USP32: variants seen among roughly 807,000 people sequenced by gnomAD.
USP32 encodes the protein ubiquitin specific peptidase 32, also known as ubiquitin carboxyl-terminal hydrolase 32.
In USP32, 59 loss-of-function variants were observed where a neutral mutation model predicts 204.8. The ratio of observed to expected loss-of-function variants is 0.29; its 90% CI spans 0.23 to 0.36. The LOEUF (loss-of-function observed/expected upper bound fraction) is 0.36, where lower values mean the gene tolerates loss of function less well. USP32 is among the 10% of genes least tolerant of loss of function. The pLI is 1.00. For synonymous variants in USP32, 517 were observed against 678.4 expected (o/e 0.76, Z 3.70); for missense variants, 1,160 against 1,946.4 (o/e 0.60, Z 7.60).
At chr17:60,302,113 GTTTATTTATTTATTTA>G (rs141481291) in intron 2 of USP32, among the ~76,000 whole-genome samples, 15 of 141,642 alleles carry the variant, frequency 1.1e-4, no homozygotes, top group South Asian at 2.2e-4. Context: ...TATTTTGTTT[GTTTATTTATTTATTTA>G]TTTATTTATT....
chr17:60,332,690 C>T (rs1372306244), intron 2 of USP32, among the ~76,000 whole-genome samples: 1 of 152,152 alleles, frequency 6.6e-6, no homozygotes, highest in African/African-American at 2.4e-5. Context: ...CTATGCTTTC[C>T]CTTTTCTCCT....
intron 5 of USP32, among the ~76,000 whole-genome samples, chr17:60,277,311 A>G (rs1210057351): frequency 6.6e-6 from 1 of 152,196 alleles, no homozygotes; most frequent in Non-Finnish European, 1.5e-5. Context: ...GTCAATCCTC[A>G]TCAAAAAGGC....
At chr17:60,217,440 A>T (rs1204673093) in intron 16 of USP32, among the ~76,000 whole-genome samples, 1 of 152,006 alleles carries the variant, frequency 6.6e-6, no homozygotes, top group Non-Finnish European at 1.5e-5. Flanking sequence ...GATTACAGAC[A>T]CCTGCCACCA....
chr17:60,350,807 G>A (rs2088929738), intron 1 of USP32, among the ~76,000 whole-genome samples: 2 of 151,910 alleles, frequency 1.3e-5, no homozygotes, highest in Non-Finnish European at 2.9e-5. Context: ...ACCCTACTCG[G>A]GTGATGGGTG....
chr17:60,414,590 G>A (rs1215642890), intron 1 of USP32, among the ~76,000 whole-genome samples: 4 of 150,890 alleles, frequency 2.7e-5, no homozygotes, highest in East Asian at 2.0e-4. Context: ...CACCAGGCCC[G>A]GCTAATTTTT....
Position 60,294,710 on chromosome 17 carries a change from T to C in USP32, c.384A>G (p.Pro128=), listed in dbSNP as rs2087382173. Reference sequence around the variant, plus strand: ...CTGAGAAACACTTCCTGAGTGTATCTGGGACTTTACCATCCACCACGTGGA... The same window carrying C: ...CTGAGAAACACTTCCTGAGTGTATCCGGGACTTTACCATCCACCACGTGGA... The part of the protein sequence containing the change: ...RMLHVVDGKV[P]DTLRKCFSEG... The change falls in exon 4 of 34, where the codon CCA becomes CCG. Residue 128 remains proline, a synonymous_variant. Coordinates refer to ENST00000300896, the MANE Select transcript of USP32 (RefSeq NM_032582.4). 3 of 1,612,302 alleles carry C rather than the reference T, an allele frequency of 1.9e-6. No homozygotes were observed. Among genetic ancestry groups the C allele is most frequent in the Non-Finnish European group, 2.5e-6 (3 of 1,178,726 alleles).
At chr17:60,373,119 G>A (rs994705002) in intron 1 of USP32, among the ~76,000 whole-genome samples, 1 of 152,164 alleles carries the variant, frequency 6.6e-6, no homozygotes, top group Non-Finnish European at 1.5e-5. Context: ...CTTGAGCCCA[G>A]GAGCTCGAGG....
At chr17:60,329,004 C>G (rs1322658593) in intron 2 of USP32, among the ~76,000 whole-genome samples, 1 of 152,180 alleles carries the variant, frequency 6.6e-6, no homozygotes, top group Non-Finnish European at 1.5e-5. Flanking sequence ...GCCTGCCAGG[C>G]CAAGTGGATG....
chr17:60,360,170 G>GT (rs1256886097), intron 1 of USP32, among the ~76,000 whole-genome samples: 2 of 151,760 alleles, frequency 1.3e-5, no homozygotes, highest in African/African-American at 2.4e-5. Context: ...GCCCGGCCCT[G>GT]TAAGACAAAG....
rs530304932 is a variant in USP32 at position 60,279,408 on chromosome 17, C to T, written c.572-7927G>A. On this transcript the variant is annotated intron_variant, in intron 5 of 33. Coordinates refer to ENST00000300896, the MANE Select transcript of USP32 (RefSeq NM_032582.4). ...GCTGAGGCAGGAGGATCCCTTGAGC[C>T]TGGGAGGTTGAGGCGGCATTGAGCC... Among the ~76,000 whole-genome samples, 14 of 151,448 alleles carry T rather than the reference C, an allele frequency of 9.2e-5. No homozygotes were observed. In the East Asian group the frequency reaches 1.9e-3, roughly 21 times the overall value.
chr17:60,242,409 G>T (rs937215421), intron 11 of USP32, among the ~76,000 whole-genome samples: 1 of 151,970 alleles, frequency 6.6e-6, no homozygotes, highest in Non-Finnish European at 1.5e-5. Flanking sequence ...AAAAATATAA[G>T]GGTTTCCTTT....
At chr17:60,415,751 C>T (rs2090055790) in intron 1 of USP32, among the ~76,000 whole-genome samples, 1 of 152,226 alleles carries the variant, frequency 6.6e-6, no homozygotes, top group African/African-American at 2.4e-5. Context: ...TTCTTGGAGT[C>T]TTTATACAAT....
chr17:60,181,235 A>C, intron 32 of USP32, 89 bp downstream of exon 32: 1 of 1,480,902 alleles, frequency 6.8e-7, no homozygotes, highest in Non-Finnish European at 9.1e-7. Flanking sequence ...AATAAGCAGG[A>C]CCTGAAAAAA....
intron 9 of USP32, among the ~76,000 whole-genome samples, chr17:60,262,708 A>G (rs1480908825): frequency 5.3e-5 from 8 of 152,158 alleles, no homozygotes. Flanking sequence ...TTCCAGCCAC[A>G]TCAGAATATT....
chr17:60,367,665 A>G (rs1226679652), intron 1 of USP32, among the ~76,000 whole-genome samples: 7 of 152,170 alleles, frequency 4.6e-5, no homozygotes, highest in Admixed American at 4.6e-4. Context: ...AAAATGAGCC[A>G]GGTGTGGTGG....
At chr17:60,311,889 T>A (rs550616963) in intron 2 of USP32, among the ~76,000 whole-genome samples, 27 of 151,708 alleles carry the variant, frequency 1.8e-4, no homozygotes, top group African/African-American at 5.8e-4. Context: ...AGTTGTAGCA[T>A]GTTTCAACTG....
chr17:60,339,412 G>A (rs56160923), intron 2 of USP32, among the ~76,000 whole-genome samples: 2,300 of 151,224 alleles, frequency 0.015, 30 homozygotes, highest in Middle Eastern at 0.034. Flanking sequence ...GTAAAACCTC[G>A]TCTCTACTAA....
At position 60,288,595 on chromosome 17, in the gene USP32, C is replaced by A; in HGVS notation, c.499G>T (p.Gly167Cys). 1.9e-6 allele frequency: 3 copies of A among 1,613,544 alleles called. No homozygotes were observed. The South Asian group carries it at 3.3e-5, about 18-fold the overall frequency. Residue 167 changes from glycine (G) to cysteine (C), a missense_variant, in exon 5 of 34, where the codon GGT becomes TGT. Around this residue, in one of 8 missense-constraint regions of USP32, gnomAD observed 536 missense variants for 680.9 expected, o/e 0.79. Transcript: ENST00000300896. The stretch of plus-strand genomic sequence containing the variant: ...TCATCAGTGAGGGTAACATACACAC[C>A]TCCAGATAGAAGCCATCGAGAGAAA... ...FTFSRWLLSG[G>C]VYVTLTDDSD...
chr17:60,378,227 A>G (rs1315816311), intron 1 of USP32, among the ~76,000 whole-genome samples: 2 of 152,220 alleles, frequency 1.3e-5, no homozygotes, highest in Non-Finnish European at 2.9e-5. Flanking sequence ...AGGAAACTAA[A>G]AATCAAAATG....
Sources: gnomAD v4.1 joint callset for allele counts (sites outside exome capture counted in the v4.1 genomes callset) on GRCh38, gnomAD v4.1.1 for gene constraint, gnomAD v4.1.1 regional missense constraint, MANE v1.5 for transcripts, NCBI Gene and HGNC (gene_info 2026-07-23, HGNC 2026-07-21) for gene names.